Variants in LRBA observed in about 807,000 individuals in gnomAD.
The protein encoded by LRBA is LPS responsive beige-like anchor protein, also known as lipopolysaccharide-responsive and beige-like anchor protein.
In LRBA, 176 loss-of-function variants were observed where a neutral mutation model predicts 330.0. That is an observed-to-expected ratio of 0.53 (90% CI 0.47 to 0.60). The LOEUF is 0.60. LRBA is among the 20% of genes least tolerant of loss of function. The pLI is 0.00. For missense variants in LRBA, 3,259 were observed against 3,444.8 expected (o/e 0.95, Z 1.35); for synonymous variants, 1,230 against 1,193.0 (o/e 1.03, Z -0.64).
rs1319094744 is a variant in LRBA, at chr4:150,850,898, G to C, written c.3830C>G (p.Ser1277Ter). ...TTGCCCTGGCTGCTCATGTTGCCTT[G>C]ATATCTAATACAGAAATTTAAAAAG... ...PQPHRHVLEI[S>*]RQHEQPGQGI... Residue 1277 changes from serine (S) to a stop codon, truncating the protein, a stop_gained, in exon 24 of 57, where the codon TCA becomes TGA. Transcript: ENST00000651943. LOFTEE classifies it high-confidence loss of function. 1.2e-6 allele frequency: 2 copies of C among 1,604,446 alleles called. No homozygotes were observed. The highest frequency in any genetic ancestry group is 8.5e-7 in the Non-Finnish European group (1 of 1,176,310).
At chr4:150,912,618 C>G (rs1732138146) in intron 9 of LRBA, among the ~76,000 whole-genome samples, 1 of 152,192 alleles carries the variant, frequency 6.6e-6, no homozygotes. Flanking sequence ...TGCGCCCCCA[C>G]CACCCGTGGT....
intron 30 of LRBA, among the ~76,000 whole-genome samples, chr4:150,818,532 C>CTCTGTGTGTGTGTG (rs200552031): frequency 6.9e-6 from 1 of 145,802 alleles, no homozygotes. Flanking sequence ...TGACGAATGT[C>CTCTGTGTGTGTGTG]TGTGTGTGTG....
chr4:150,673,867 A>G (rs1327500865), intron 37 of LRBA, among the ~76,000 whole-genome samples: 2 of 152,230 alleles, frequency 1.3e-5, no homozygotes. Flanking sequence ...AATTAATTAT[A>G]CTTTTAAACA....
At chr4:150,930,250 G>T (rs1010993742) in intron 2 of LRBA, among the ~76,000 whole-genome samples, 1 of 151,742 alleles carries the variant, frequency 6.6e-6, no homozygotes, top group Admixed American at 6.6e-5. Flanking sequence ...GAGTGGCAGA[G>T]ATTGCAGTGA....
rs1384014823 is a variant in LRBA, at chr4:150,516,215, C to CTTTTTTTTTTTTTTTTTTTTTTT, written c.6331-25181_6331-25180insAAAAAAAAAAAAAAAAAAAAAAA. On this transcript the variant is annotated intron_variant, in intron 40 of 56. Coordinates refer to ENST00000651943, the MANE Select transcript of LRBA (RefSeq NM_001364905.1). ...GTAATTCAGTCTGACATTTTCTATTCTCTTTTTTTTTTTTTTTTTTTTTTT... is the reference window on the plus strand; with the variant it reads ...GTAATTCAGTCTGACATTTTCTATTCTTTTTTTTTTTTTTTTTTTTTTTTCTTTTTTTTTTTTTTTTTTTTTTT... Among the ~76,000 whole-genome samples the CTTTTTTTTTTTTTTTTTTTTTTT allele has an allele frequency of 1.0e-4, 9 of 86,708 alleles. 4 individuals are homozygous for CTTTTTTTTTTTTTTTTTTTTTTT. The highest frequency in any genetic ancestry group is 1.3e-4 in the Non-Finnish European group (6 of 45,160). 56.9% of individuals were successfully genotyped at this position (86,708 alleles called of 152,430 possible).
intron 28 of LRBA, among the ~76,000 whole-genome samples, chr4:150,841,410 T>G (rs1488474729): frequency 6.6e-6 from 1 of 152,212 alleles, no homozygotes; most frequent in Non-Finnish European, 1.5e-5. Flanking sequence ...TAGCTGTCAT[T>G]TATTGAATAC....
chr4:150,600,767 CA>C (rs1474864648), intron 37 of LRBA, among the ~76,000 whole-genome samples: 1 of 151,986 alleles, frequency 6.6e-6, no homozygotes, highest in East Asian at 1.9e-4. Flanking sequence ...TACATACAAT[CA>C]AAAGACAACA....
intron 40 of LRBA, among the ~76,000 whole-genome samples, chr4:150,515,955 T>C (rs1762288273): frequency 6.6e-6 from 1 of 151,888 alleles, no homozygotes; most frequent in Non-Finnish European, 1.5e-5. Flanking sequence ...AGTAAGAAAA[T>C]ACCATTAAAA....
chr4:150,769,173 G>A (rs534738857), intron 34 of LRBA, among the ~76,000 whole-genome samples: 1 of 152,028 alleles, frequency 6.6e-6, no homozygotes, highest in African/African-American at 2.4e-5. Context: ...TCGAACTCCT[G>A]ACCTCAAGTA....
chr4:150,653,058 A>G (rs1779848008), intron 37 of LRBA, among the ~76,000 whole-genome samples: 1 of 152,148 alleles, frequency 6.6e-6, no homozygotes, highest in African/African-American at 2.4e-5. Flanking sequence ...ATTAAAAAGA[A>G]CTGGCCAGGC....
intron 36 of LRBA, among the ~76,000 whole-genome samples, chr4:150,734,970 G>C (rs767897371): frequency 6.6e-6 from 1 of 152,004 alleles, no homozygotes; most frequent in Non-Finnish European, 1.5e-5. Flanking sequence ...TTTCTTTATA[G>C]GAAAACCATC....
At chr4:150,956,836 C>T (rs1351835064) in intron 2 of LRBA, among the ~76,000 whole-genome samples, 6 of 149,154 alleles carry the variant, frequency 4.0e-5, no homozygotes, top group Non-Finnish European at 5.9e-5. Flanking sequence ...AAACACTTAA[C>T]AGACTAAGAA....
At position 150,346,969 on chromosome 4, in the gene LRBA, C is replaced by T. The variant is rs528767353; in HGVS notation, c.7362+3023G>A. ...AAAAGATGGAAACAACCCAAAATGC[C>T]CATTGATATATAAATGGATAAACAA... On this transcript the variant is annotated intron_variant, in intron 48 of 56. Coordinates refer to ENST00000651943, the MANE Select transcript of LRBA (RefSeq NM_001364905.1). Among the ~76,000 whole-genome samples the T allele has an allele frequency of 5.5e-4, 83 of 151,510 alleles. 1 individual carries two copies. Among genetic ancestry groups the T allele is most frequent in the African/African-American group, 2.0e-3 (81 of 41,350 alleles).
At chr4:150,463,938 T>C (rs1438899610) in intron 44 of LRBA, among the ~76,000 whole-genome samples, 1 of 151,162 alleles carries the variant, frequency 6.6e-6, no homozygotes, top group Non-Finnish European at 1.5e-5. Flanking sequence ...AGGGTGGTGT[T>C]AGGATGAGGT....
At chr4:150,700,665 T>C (rs570258094) in intron 36 of LRBA, among the ~76,000 whole-genome samples, 36 of 152,026 alleles carry the variant, frequency 2.4e-4, no homozygotes, top group Non-Finnish European at 1.3e-4. Flanking sequence ...TTTTTAAAAT[T>C]GTTTAACTCT....
intron 34 of LRBA, among the ~76,000 whole-genome samples, chr4:150,797,725 T>C (rs1256402613): frequency 6.6e-6 from 1 of 152,042 alleles, no homozygotes. Flanking sequence ...AAAATGGAAG[T>C]AAACCCATAA....
chr4:150,863,470 T>C (rs1388532867), intron 22 of LRBA, among the ~76,000 whole-genome samples: 1 of 152,150 alleles, frequency 6.6e-6, no homozygotes, highest in African/African-American at 2.4e-5. Flanking sequence ...GAGACCAGCC[T>C]GGCCAATATG....
At chr4:150,753,451 T>G (rs572617282) in intron 35 of LRBA, among the ~76,000 whole-genome samples, 6 of 152,312 alleles carry the variant, frequency 3.9e-5, no homozygotes. Flanking sequence ...CTATCCCTAA[T>G]ACACATCCCT....
chr4:150,841,654 T>A (rs569055550), intron 28 of LRBA, among the ~76,000 whole-genome samples: 1 of 152,230 alleles, frequency 6.6e-6, no homozygotes, highest in Middle Eastern at 3.4e-3. Context: ...TTTTTAAATT[T>A]TTTTATTTTA....
Sources: allele counts gnomAD v4.1 joint callset (sites outside exome capture counted in the v4.1 genomes callset), GRCh38; gene constraint gnomAD v4.1.1; transcripts MANE v1.5; gene names NCBI Gene and HGNC (gene_info 2026-07-23, HGNC 2026-07-21).